The following SRBD1 variants were observed in gnomAD, a reference collection of about 807,000 sequenced individuals.
SRBD1 encodes the protein S1 RNA binding domain 1.
SRBD1 carries 88 observed loss-of-function variants against 115.3 expected under a neutral mutation model. The ratio of observed to expected loss-of-function variants is 0.76; its 90% confidence interval spans 0.64 to 0.91. The LOEUF (loss-of-function observed/expected upper bound fraction) is 0.91. Ranked by LOEUF, SRBD1 falls within the 40% of genes least tolerant of loss-of-function variation. SRBD1 has a pLI of 0.00. For synonymous variants in SRBD1, 509 were observed against 407.7 expected, an observed-to-expected ratio of 1.25 and a Z score of -2.99; for missense variants, 1,385 against 1,177.4, an observed-to-expected ratio of 1.18 and a Z score of -2.58.
Position 45,585,751 on chromosome 2 carries a change from A to G in SRBD1, c.672T>C (p.Ile224=). 4 of 1,603,352 alleles carry G rather than the reference A, an allele frequency of 2.5e-6. No individual in the cohort carries two copies. Among genetic ancestry groups the G allele is most frequent in the Non-Finnish European group, 3.4e-6 (4 of 1,177,620 alleles). ...MVQVLSERTN[I]EPWVCANIIR... The stretch of plus-strand genomic sequence containing the variant: ...TGATGTTGGCACAAACCCAAGGTTC[A>G]ATATTAGTTCTCTCAGATAAAACCT... Residue 224 remains isoleucine, a synonymous_variant, in exon 5 of 21, where the codon ATT becomes ATC. Coordinates refer to ENST00000263736, the MANE Select transcript of SRBD1 (RefSeq NM_018079.5).
chr2:45,597,216 G>A (rs1013869020), intron 4 of SRBD1, among the ~76,000 whole-genome samples: 4 of 151,994 alleles, frequency 2.6e-5, no homozygotes, highest in Admixed American at 2.0e-4. Context: ...GTCAGAAGAC[G>A]GAGACCATTC....
At chr2:45,425,788 T>A (rs1180032411) in intron 16 of SRBD1, among the ~76,000 whole-genome samples, 1 of 152,070 alleles carries the variant, frequency 6.6e-6, no homozygotes, top group Non-Finnish European at 1.5e-5. Context: ...TGTGAGGGAC[T>A]GTGCTGTGAG....
At chr2:45,504,507 C>A (rs1339805060) in intron 14 of SRBD1, among the ~76,000 whole-genome samples, 2 of 152,024 alleles carry the variant, frequency 1.3e-5, no homozygotes, top group African/African-American at 4.8e-5. Context: ...ATACGAGAAA[C>A]AGAGGAAATA....
At chr2:45,390,957 C>T (rs1340162719) in intron 20 of SRBD1, among the ~76,000 whole-genome samples, 1 of 152,166 alleles carries the variant, frequency 6.6e-6, no homozygotes, top group Non-Finnish European at 1.5e-5. Flanking sequence ...TGTAATATTA[C>T]ACCAGGCTAA....
intron 8 of SRBD1, among the ~76,000 whole-genome samples, chr2:45,574,359 A>C (rs563045760): frequency 6.6e-6 from 1 of 152,336 alleles, no homozygotes; most frequent in African/African-American, 2.4e-5. Flanking sequence ...AATGGTTTTT[A>C]AACTCATCAG....
At chr2:45,444,994 T>C (rs1365469832) in intron 16 of SRBD1, among the ~76,000 whole-genome samples, 1 of 152,156 alleles carries the variant, frequency 6.6e-6, no homozygotes, top group Non-Finnish European at 1.5e-5. Flanking sequence ...TCAAATTTGC[T>C]CTCCATTTTA....
At chr2:45,450,210 T>C (rs1668952168) in intron 16 of SRBD1, among the ~76,000 whole-genome samples, 1 of 152,268 alleles carries the variant, frequency 6.6e-6, no homozygotes, top group Non-Finnish European at 1.5e-5. Context: ...CACTAAATAA[T>C]TTTATAAATT....
At chr2:45,535,472 A>C (rs999352580) in intron 14 of SRBD1, among the ~76,000 whole-genome samples, 2 of 151,982 alleles carry the variant, frequency 1.3e-5, no homozygotes, top group Admixed American at 6.6e-5. Flanking sequence ...CCAAGATTAC[A>C]CTCAGTCATC....
chr2:45,436,485 T>C (rs1415551506), intron 16 of SRBD1, among the ~76,000 whole-genome samples: 2 of 152,170 alleles, frequency 1.3e-5, no homozygotes, highest in African/African-American at 4.8e-5. Context: ...GAACTTCCTA[T>C]GACTGGGTAA....
intron 4 of SRBD1, among the ~76,000 whole-genome samples, chr2:45,597,582 A>C (rs563146265): frequency 2.0e-5 from 3 of 152,366 alleles, no homozygotes; most frequent in African/African-American, 7.2e-5. Flanking sequence ...CAAACAGAGA[A>C]GCAGCAGAAA....
At chr2:45,495,823 G>C (rs1474469360) in intron 14 of SRBD1, among the ~76,000 whole-genome samples, 3 of 152,092 alleles carry the variant, frequency 2.0e-5, no homozygotes, top group Non-Finnish European at 2.9e-5. Flanking sequence ...AAACCTAAGG[G>C]GGCAGGGAAT....
At chr2:45,544,707 A>G (rs1347601165) in intron 14 of SRBD1, among the ~76,000 whole-genome samples, 1 of 152,222 alleles carries the variant, frequency 6.6e-6, no homozygotes, top group Non-Finnish European at 1.5e-5. Context: ...TAAGTTTATT[A>G]ATTTGCATAA....
At chr2:45,570,004 A>G (rs1392707568) in intron 9 of SRBD1, among the ~76,000 whole-genome samples, 3 of 152,238 alleles carry the variant, frequency 2.0e-5, no homozygotes, top group African/African-American at 7.2e-5. Flanking sequence ...ACTATGGCCC[A>G]TGGGTCAAAT....
intron 16 of SRBD1, among the ~76,000 whole-genome samples, chr2:45,458,308 T>C (rs1211711968): frequency 1.3e-5 from 2 of 152,102 alleles, no homozygotes; most frequent in Non-Finnish European, 2.9e-5. Context: ...TAAAACTAAA[T>C]GAAACAACAG....
chr2:45,581,955 G>A, intron 5 of SRBD1, 145 bp from the exon 6 acceptor site: 1 of 641,664 alleles, frequency 1.6e-6, no homozygotes, highest in Admixed American at 3.0e-5. Flanking sequence ...TAACATCCCT[G>A]CACTCCAACA....
intron 19 of SRBD1, among the ~76,000 whole-genome samples, chr2:45,407,842 T>G (rs1301171341): frequency 6.6e-6 from 1 of 151,952 alleles, no homozygotes; most frequent in Non-Finnish European, 1.5e-5. Context: ...GGCTTTAATA[T>G]TCAAAGAACT....
chr2:45,483,405 C>G (rs754037276), intron 15 of SRBD1, among the ~76,000 whole-genome samples: 20 of 151,736 alleles, frequency 1.3e-4, no homozygotes, highest in Non-Finnish European at 2.5e-4. Context: ...GAGCTACTTC[C>G]TATGGTAAAG....
intron 16 of SRBD1, among the ~76,000 whole-genome samples, chr2:45,456,511 T>C (rs1669156654): frequency 6.6e-6 from 1 of 151,958 alleles, no homozygotes; most frequent in African/African-American, 2.4e-5. Flanking sequence ...TAATGGCTAC[T>C]GTCATATAAC....
Position 45,410,597 on chromosome 2 carries a change from G to A in SRBD1, c.2513+2517C>T, listed in dbSNP as rs181894257. 4.6e-5 allele frequency among the ~76,000 whole-genome samples: 7 copies of A among 152,232 alleles called. No individual in the cohort carries two copies. The East Asian group carries it at 1.2e-3, about 25-fold the overall frequency. On this transcript the variant is annotated intron_variant, in intron 19 of 20. Coordinates refer to ENST00000263736, the MANE Select transcript of SRBD1 (RefSeq NM_018079.5). Reference sequence around the variant, plus strand: ...GATAAGAGTGTCTTTTGTATGACACGACTGGTAGCTGGGGTCCCCTAGATA... The same window carrying A: ...GATAAGAGTGTCTTTTGTATGACACAACTGGTAGCTGGGGTCCCCTAGATA...
Sources: gnomAD v4.1 joint callset for allele counts (sites outside exome capture counted in the v4.1 genomes callset) on GRCh38, gnomAD v4.1.1 for gene constraint, MANE v1.5 for transcripts, NCBI Gene and HGNC (gene_info 2026-07-23, HGNC 2026-07-21) for gene names.